Variants in WDSUB1 observed in about 807,000 individuals in gnomAD.
The protein encoded by WDSUB1 is WD repeat, sterile alpha motif and U-box domain containing 1, also known as WD repeat, SAM and U-box domain-containing protein 1.
Under a neutral mutation model 53.9 loss-of-function variants are expected in WDSUB1, and 49 were observed. The observed-to-expected ratio is 0.91, with a 90% CI of 0.72 to 1.15. The LOEUF (loss-of-function observed/expected upper bound fraction) is 1.15. Among genes scored for constraint, WDSUB1 ranks in the 50% most tolerant of loss-of-function variants. The pLI, the probability that WDSUB1 is intolerant of heterozygous loss-of-function variation, is 0.00. For synonymous variants in WDSUB1, 194 were observed against 200.6 expected, an observed-to-expected ratio of 0.97 and a Z score of 0.28; for missense variants, 514 against 562.0, an observed-to-expected ratio of 0.91 and a Z score of 0.86.
chr2:159,253,322 G>T (rs1351972772), intron 9 of WDSUB1, among the ~76,000 whole-genome samples: 1 of 152,168 alleles, frequency 6.6e-6, no homozygotes, highest in Non-Finnish European at 1.5e-5. Context: ...CTAGATATAA[G>T]GAATTATTTC....
At chr2:159,278,040 T>A (rs1218045265) in intron 3 of WDSUB1, among the ~76,000 whole-genome samples, 1 of 152,160 alleles carries the variant, frequency 6.6e-6, no homozygotes, top group Non-Finnish European at 1.5e-5. Flanking sequence ...CCCTTATTTT[T>A]ATTCTAATAT....
intron 9 of WDSUB1, among the ~76,000 whole-genome samples, chr2:159,253,408 T>A (rs1292517980): frequency 6.6e-6 from 1 of 152,230 alleles, no homozygotes; most frequent in African/African-American, 2.4e-5. Context: ...TATCCTTGGG[T>A]AAAGCTCCAA....
intron 10 of WDSUB1, among the ~76,000 whole-genome samples, chr2:159,246,671 C>T (rs2060804731): frequency 6.6e-6 from 1 of 151,762 alleles, no homozygotes; most frequent in Non-Finnish European, 1.5e-5. Context: ...GAGAAATGTC[C>T]AGACAAAGAT....
At chr2:159,248,184 C>T (rs1389276435) in intron 10 of WDSUB1, among the ~76,000 whole-genome samples, 188 bp downstream of exon 10, 1 of 151,872 alleles carries the variant, frequency 6.6e-6, no homozygotes, top group Non-Finnish European at 1.5e-5. Context: ...TTTGTGTCAA[C>T]TCCACAACTA....
intron 10 of WDSUB1, among the ~76,000 whole-genome samples, chr2:159,246,310 T>TAGTC (rs1206937223): frequency 6.6e-6 from 1 of 151,790 alleles, no homozygotes; most frequent in Non-Finnish European, 1.5e-5. Flanking sequence ...TGGGTGCCTG[T>TAGTC]AGTCCCAGCT....
chr2:159,258,064 G>T, intron 6 of WDSUB1, 79 bp from the exon 7 acceptor site: 2 of 1,240,180 alleles, frequency 1.6e-6, no homozygotes, highest in East Asian at 2.3e-5. Flanking sequence ...GACATAAATG[G>T]GTTGTATACT....
At chr2:159,280,048 A>G (rs1230660857) in intron 2 of WDSUB1, 103 bp from the exon 3 acceptor site, 1 of 1,062,638 alleles carries the variant, frequency 9.4e-7, no homozygotes, top group Non-Finnish European at 1.3e-6. Flanking sequence ...ATAAATGGCT[A>G]TCACAGAACT....
chr2:159,245,540 A>AG (rs199645607), intron 10 of WDSUB1, among the ~76,000 whole-genome samples: 6,064 of 151,892 alleles, frequency 0.04, 398 homozygotes, highest in African/African-American at 0.14. Flanking sequence ...CTCAAAAAAA[A>AG]AAAAAAGACT....
intron 5 of WDSUB1, among the ~76,000 whole-genome samples, chr2:159,260,983 C>G (rs2061176232): frequency 6.6e-6 from 1 of 152,180 alleles, no homozygotes; most frequent in Non-Finnish European, 1.5e-5. Flanking sequence ...ACTACAGAAT[C>G]TTTGTCATAA....
intron 5 of WDSUB1, among the ~76,000 whole-genome samples, chr2:159,260,082 T>A (rs2061156810): frequency 6.6e-6 from 1 of 152,090 alleles, no homozygotes; most frequent in Admixed American, 6.6e-5. Context: ...TTCGAGCGGA[T>A]CATGAGGTCA....
chr2:159,249,743 A>G (rs983440021), intron 9 of WDSUB1, among the ~76,000 whole-genome samples: 4 of 151,888 alleles, frequency 2.6e-5, no homozygotes, highest in Admixed American at 2.0e-4. Flanking sequence ...TGACATAAAC[A>G]TAAACCACCA....
chr2:159,261,525 T>C (rs1156652056), intron 5 of WDSUB1, among the ~76,000 whole-genome samples: 1 of 152,166 alleles, frequency 6.6e-6, no homozygotes, highest in East Asian at 1.9e-4. Flanking sequence ...TTTTATTTAA[T>C]CCTAAGTTCT....
intron 10 of WDSUB1, among the ~76,000 whole-genome samples, chr2:159,242,259 G>A (rs546591083): frequency 5.5e-5 from 8 of 145,734 alleles, no homozygotes; most frequent in South Asian, 2.2e-4. Flanking sequence ...GGGTTTTACC[G>A]TGTTAGCCAG....
chr2:159,243,113 T>C (rs918068261), intron 10 of WDSUB1, among the ~76,000 whole-genome samples: 1 of 147,844 alleles, frequency 6.8e-6, no homozygotes, highest in Non-Finnish European at 1.5e-5. Flanking sequence ...TTTAAAAAAA[T>C]TCAACTGTAT....
intron 10 of WDSUB1, among the ~76,000 whole-genome samples, chr2:159,241,950 GC>G (rs1450550923): frequency 2.7e-5 from 4 of 147,498 alleles, no homozygotes; most frequent in African/African-American, 1.1e-4. Context: ...ACCAGGAAAT[GC>G]TATCCTGCAG....
At chr2:159,275,724 A>C (rs984433971) in intron 3 of WDSUB1, 86 bp from the exon 4 acceptor site, 4 of 993,850 alleles carry the variant, frequency 4.0e-6, no homozygotes, top group Middle Eastern at 2.2e-4. Flanking sequence ...AAGATCTATT[A>C]ATTCTACTCA....
At chr2:159,245,604 AAATC>A (rs2060777661) in intron 10 of WDSUB1, among the ~76,000 whole-genome samples, 1 of 152,154 alleles carries the variant, frequency 6.6e-6, no homozygotes, top group Admixed American at 6.5e-5. Flanking sequence ...ATAGACATAA[AAATC>A]AATCAAACAT....
rs568995512 is a variant in WDSUB1 at position 159,256,787 on chromosome 2, T to G, written c.953-412A>C. 2.6e-5 allele frequency among the ~76,000 whole-genome samples: 4 copies of G among 152,326 alleles called. No individual in the cohort carries two copies. The South Asian group carries it at 8.3e-4, about 32-fold the overall frequency. On this transcript the variant is annotated intron_variant, in intron 8 of 10. Coordinates refer to ENST00000359774, the MANE Select transcript of WDSUB1 (RefSeq NM_001128212.3). ...TGATAAAAATAAAACTCCTAAATTATGTGCCAATGTCGCTTGATGCCAAAA... is the reference window on the plus strand; with the variant it reads ...TGATAAAAATAAAACTCCTAAATTAGGTGCCAATGTCGCTTGATGCCAAAA...
chr2:159,238,647 G>C (rs2060553386), intron 10 of WDSUB1, among the ~76,000 whole-genome samples: 1 of 152,092 alleles, frequency 6.6e-6, no homozygotes, highest in Non-Finnish European at 1.5e-5. Flanking sequence ...ATCGATTTCT[G>C]GATTTTAAAC....
Sources: gnomAD v4.1 joint callset for allele counts (sites outside exome capture counted in the v4.1 genomes callset) on GRCh38, gnomAD v4.1.1 for gene constraint, MANE v1.5 for transcripts, NCBI Gene and HGNC (gene_info 2026-07-23, HGNC 2026-07-21) for gene names.